Variants in GRM4 observed in about 807,000 individuals in gnomAD.
The protein encoded by GRM4 is glutamate metabotropic receptor 4, also known as metabotropic glutamate receptor 4.
GRM4 carries 28 observed loss-of-function variants against 81.7 expected under a neutral mutation model. That is an observed-to-expected ratio of 0.34 (90% CI 0.25 to 0.47). The LOEUF (loss-of-function observed/expected upper bound fraction) is 0.47, where lower values mean the gene tolerates loss of function less well. Ranked by LOEUF, GRM4 falls within the 20% of genes least tolerant of loss-of-function variation. The probability of loss-of-function intolerance (pLI) is 1.00; values close to 1 mark genes in which losing one functional copy is unlikely to be tolerated. For synonymous variants in GRM4, 488 were observed against 528.8 expected, an observed-to-expected ratio of 0.92 and a Z score of 1.06; for missense variants, 948 against 1,290.0, an observed-to-expected ratio of 0.73 and a Z score of 4.06.
At chr6:34,108,209 C>T (rs768470779) in intron 2 of GRM4, among the ~76,000 whole-genome samples, 3 of 152,350 alleles carry the variant, frequency 2.0e-5, no homozygotes, top group East Asian at 1.9e-4. Context: ...TCTAACTCAC[C>T]GCATGACCTC....
Position 34,056,587 on chromosome 6 carries a change from G to A in GRM4, c.1125C>T (p.Ser375=). 6.2e-7 allele frequency: 1 copy of A among 1,613,328 alleles called. No homozygotes were observed. Among genetic ancestry groups the A allele is most frequent in the Non-Finnish European group, 8.5e-7 (1 of 1,179,874 alleles). ...GGCTGCCCTTCTTGAGGGCGTGGCG[G>A]CTCAGCTTGCAGTGGAAGTTGTCCT... ...FWEDNFHCKL[S]RHALKKGSHV... Residue 375 remains serine (S), a synonymous_variant, in exon 6 of 11, where the codon AGC becomes AGT. Transcript: ENST00000538487.
At position 34,070,438 on chromosome 6, in the gene GRM4, C is replaced by T. The variant is rs1403866633; in HGVS notation, c.737-8410G>A. On this transcript the variant is annotated intron_variant, in intron 3 of 10. Coordinates refer to ENST00000538487, the MANE Select transcript of GRM4 (RefSeq NM_000841.4). This position sits in a 1 kb window ranked among gnomAD's most constrained non-coding sequence, Gnocchi z 4.6. ...GTGCATGCTGGCTGTGCAAAGGCACCGGGTCACAAGGGCCCTGCCTGAAGA... is the reference window on the plus strand; with the variant it reads ...GTGCATGCTGGCTGTGCAAAGGCACTGGGTCACAAGGGCCCTGCCTGAAGA... 2.6e-5 allele frequency among the ~76,000 whole-genome samples: 4 copies of T among 152,138 alleles called. No homozygotes were observed. The highest frequency in any genetic ancestry group is 2.1e-4 in the South Asian group (1 of 4,814).
Position 34,153,506 on chromosome 6 carries a change from G to T in GRM4, c.312+1573C>A, listed in dbSNP as rs74498954. ...CTGCCCAGGGGCAAAGCCTTTTGCCGAACACTGCAGAGGTCATGGCTGACG... is the reference window on the plus strand; with the variant it reads ...CTGCCCAGGGGCAAAGCCTTTTGCCTAACACTGCAGAGGTCATGGCTGACG... On this transcript the variant is annotated intron_variant, in intron 1 of 8. Coordinates refer to the GRM4 transcript ENST00000374177. Among the ~76,000 whole-genome samples, 198 of 152,372 alleles carry T rather than the reference G, an allele frequency of 1.3e-3. 2 individuals carry two copies. Among genetic ancestry groups the T allele is most frequent in the African/African-American group, 4.3e-3 (179 of 41,598 alleles).
chr6:34,140,389 G>A (rs1770631281), intron 1 of GRM4, among the ~76,000 whole-genome samples: 1 of 152,160 alleles, frequency 6.6e-6, no homozygotes, highest in Admixed American at 6.5e-5. Context: ...ATCGACCACG[G>A]TGTGGACAGG....
At chr6:34,084,608 G>A (rs754775906) in intron 3 of GRM4, among the ~76,000 whole-genome samples, 9 of 152,246 alleles carry the variant, frequency 5.9e-5, no homozygotes, top group Non-Finnish European at 7.4e-5. Context: ...CCAAGCCAGC[G>A]CGACCCCAGC....
intron 3 of GRM4, chr6:34,091,630 G>A (rs1302717997): frequency 1.1e-5 from 6 of 549,550 alleles, no homozygotes; most frequent in Non-Finnish European, 2.0e-5. Flanking sequence ...CTGCACCAGG[G>A]AGGTCAACAG....
intron 2 of GRM4, among the ~76,000 whole-genome samples, chr6:34,112,371 T>C (rs1051365012): frequency 6.6e-6 from 1 of 152,164 alleles, no homozygotes; most frequent in African/African-American, 2.4e-5. Flanking sequence ...TCAGAGGGGT[T>C]TCCCAGAAGG....
rs375603824 is a variant in GRM4, at chr6:34,133,068, G to T, written c.429C>A (p.Ile143=). 1.9e-6 allele frequency: 3 copies of T among 1,613,792 alleles called. No individual in the cohort carries two copies. The highest frequency in any genetic ancestry group is 2.5e-6 in the Non-Finnish European group (3 of 1,179,962). The part of the protein sequence containing the change: ...EVRCGSGGPP[I]ITKPERVVGV... ...CCACCACACGTTCAGGCTTGGTGAT[G>T]ATGGGTGGGCCGCCACTGCCACAGC... Residue 143 remains isoleucine, a synonymous_variant, in exon 2 of 11, where the codon ATC becomes ATA. Transcript: ENST00000538487. This position sits in a 1 kb window ranked among gnomAD's most constrained non-coding sequence, Gnocchi z 6.5.
rs79019812 is a variant in GRM4, at chr6:34,075,658, T to C, written c.737-13630A>G. ...TCTTAGCTGTGTGACTTTGGACAAG[T>C]TCCTTAATCTCTCTGAGCCTTATCT... On this transcript the variant is annotated intron_variant, in intron 3 of 10. Coordinates refer to ENST00000538487, the MANE Select transcript of GRM4 (RefSeq NM_000841.4). 8.4e-3 allele frequency among the ~76,000 whole-genome samples: 1,284 copies of C among 152,370 alleles called. 25 individuals carry two copies. Among genetic ancestry groups the C allele is most frequent in the African/African-American group, 0.028 (1,182 of 41,588 alleles).
intron 3 of GRM4, among the ~76,000 whole-genome samples, chr6:34,081,224 C>T (rs1437763807): frequency 6.6e-6 from 1 of 152,264 alleles, no homozygotes; most frequent in African/African-American, 2.4e-5. Flanking sequence ...AGGCAAGCTC[C>T]TGGGCACCCT....
rs2127501082 is a variant in GRM4, at chr6:34,115,549, T to C, written c.519+17429A>G. 6.6e-6 allele frequency among the ~76,000 whole-genome samples: 1 copy of C among 152,242 alleles called. No homozygotes were observed. The highest frequency in any genetic ancestry group is 2.4e-5 in the African/African-American group (1 of 41,538). On this transcript the variant is annotated intron_variant, in intron 2 of 10. Transcript: ENST00000538487. This position sits in a 1 kb window ranked among gnomAD's most constrained non-coding sequence, Gnocchi z 4.1. ...TGGTTCAGGACCTTGGACAGCAGCC[T>C]CCAGGGGTCTGCCCGAAGACACTCG... is the stretch of plus-strand genomic sequence containing the variant.
At chr6:34,142,675 T>C (rs1471138509) in intron 1 of GRM4, among the ~76,000 whole-genome samples, 2 of 152,206 alleles carry the variant, frequency 1.3e-5, no homozygotes, top group Non-Finnish European at 2.9e-5. Context: ...GCTAGCACAC[T>C]GCTCAGTTCC....
intron 1 of GRM4, among the ~76,000 whole-genome samples, chr6:34,134,362 C>T (rs1296636098): frequency 6.6e-6 from 1 of 152,184 alleles, no homozygotes; most frequent in African/African-American, 2.4e-5. Context: ...GCTGTCAGCT[C>T]TGGAACCCGA....
chr6:34,065,416 A>G (rs1156913110), intron 3 of GRM4, among the ~76,000 whole-genome samples: 5 of 152,172 alleles, frequency 3.3e-5, no homozygotes, highest in African/African-American at 1.2e-4. Flanking sequence ...GAGTAGATAG[A>G]ATCAAATGAA....
At chr6:34,150,444 T>C (rs895098265), upstream of GRM4, among the ~76,000 whole-genome samples, 1 of 151,104 alleles carries the variant, frequency 6.6e-6, no homozygotes, top group Admixed American at 6.6e-5. Context: ...CCCACTTGCA[T>C]GGAGGTCAAG....
In GRM4 at chr6:34,111,307, G is replaced by A. The variant is rs1581709010; in HGVS notation, c.520-19208C>T. 1.3e-5 allele frequency among the ~76,000 whole-genome samples: 2 copies of A among 151,524 alleles called. No homozygotes were observed. Among genetic ancestry groups the A allele is most frequent in the East Asian group, 3.9e-4 (2 of 5,120 alleles). On this transcript the variant is annotated intron_variant, in intron 2 of 10. Transcript: ENST00000538487. The surrounding 1 kb of genome is among the most constrained non-coding windows in gnomAD (Gnocchi z 5.1). ...CACACAGGTGTGCCCACACACATATGAGGAGCCACTCCTTGAGTCCCACAC... is the reference window on the plus strand; with the variant it reads ...CACACAGGTGTGCCCACACACATATAAGGAGCCACTCCTTGAGTCCCACAC...
intron 10 of GRM4, among the ~76,000 whole-genome samples, chr6:34,025,817 A>G (rs1165349007): frequency 1.3e-5 from 2 of 152,210 alleles, no homozygotes; most frequent in African/African-American, 2.4e-5. Context: ...ATGGGGTGAT[A>G]ATAAACACCA....
At chr6:34,100,158 G>A (rs749615032) in intron 2 of GRM4, 86 of 493,316 alleles carry the variant, frequency 1.7e-4, no homozygotes, top group Non-Finnish European at 2.0e-4. Flanking sequence ...TGATCAGCCT[G>A]CGAGGGCCCA....
At chr6:34,106,337 C>T (rs2127496867) in intron 2 of GRM4, among the ~76,000 whole-genome samples, 1 of 151,910 alleles carries the variant, frequency 6.6e-6, no homozygotes, top group East Asian at 1.9e-4. Flanking sequence ...ATCACTTGAA[C>T]CCAGGAGGCG....
Sources: allele counts gnomAD v4.1 joint callset (sites outside exome capture counted in the v4.1 genomes callset), GRCh38; gene constraint gnomAD v4.1.1; non-coding constraint Gnocchi (gnomAD v3.1); transcripts MANE v1.5; gene names NCBI Gene and HGNC (gene_info 2026-07-23, HGNC 2026-07-21).